SUMF1: variants seen among roughly 807,000 people sequenced by gnomAD.
SUMF1 encodes the protein formylglycine-generating enzyme.
A neutral mutation model predicts 47.6 loss-of-function variants in SUMF1; 48 were observed. The ratio of observed to expected loss-of-function variants is 1.01; its 90% CI spans 0.80 to 1.28. The LOEUF is 1.28. SUMF1 is among the 50% of genes most tolerant of loss of function. The pLI is 0.00. For missense variants in SUMF1, 571 were observed against 485.4 expected (o/e 1.18, Z -1.66); for synonymous variants, 230 against 192.1 (o/e 1.20, Z -1.63).
chr3:4,132,760 T>A (rs779209176), intron 8 of SUMF1, among the ~76,000 whole-genome samples: 11 of 152,240 alleles, frequency 7.2e-5, no homozygotes, highest in South Asian at 2.1e-4. Flanking sequence ...GGAGTTACAG[T>A]GTTGGCTGTG....
intron 8 of SUMF1, among the ~76,000 whole-genome samples, chr3:4,169,149 T>C (rs1388031792): frequency 6.6e-6 from 1 of 152,178 alleles, no homozygotes; most frequent in Non-Finnish European, 1.5e-5. Context: ...ATGGAACAGA[T>C]AATGCTGGCA....
At chr3:4,222,775 T>C (rs1696094978) in intron 8 of SUMF1, among the ~76,000 whole-genome samples, 1 of 152,086 alleles carries the variant, frequency 6.6e-6, no homozygotes, top group African/African-American at 2.4e-5. Context: ...ACCCACAGGA[T>C]TCCTGAGTCA....
At chr3:4,411,114 T>C (rs1701527311) in intron 6 of SUMF1, 136 bp from the exon 7 acceptor site, 1 of 822,694 alleles carries the variant, frequency 1.2e-6, no homozygotes, top group Non-Finnish European at 2.0e-6. Context: ...AAGTACAATT[T>C]GACCAACATA....
chr3:4,365,707 T>C (rs370002877), intron 8 of SUMF1, among the ~76,000 whole-genome samples: 1 of 146,116 alleles, frequency 6.8e-6, no homozygotes, highest in Non-Finnish European at 1.5e-5. Context: ...GAGCATTTAG[T>C]CCATTTACAT....
chr3:4,316,007 A>C (rs1698623211), intron 8 of SUMF1, among the ~76,000 whole-genome samples: 1 of 147,440 alleles, frequency 6.8e-6, no homozygotes, highest in Non-Finnish European at 1.5e-5. Flanking sequence ...AGACTGTACC[A>C]CTGCACTCCA....
intron 8 of SUMF1, among the ~76,000 whole-genome samples, chr3:4,107,288 C>T (rs1559476210): frequency 6.6e-6 from 1 of 152,100 alleles, no homozygotes; most frequent in Non-Finnish European, 1.5e-5. Context: ...GAGAGCTGTG[C>T]ACAGAGTTAA....
At chr3:4,456,712 ATATACATATATATACGTGTG>A (rs1419096349) in intron 1 of SUMF1, among the ~76,000 whole-genome samples, 12 of 135,488 alleles carry the variant, frequency 8.9e-5, no homozygotes, top group African/African-American at 3.3e-4. Context: ...ATACGTATAT[ATATACATATATATACGTGTG>A]TATATATACA....
intron 8 of SUMF1, among the ~76,000 whole-genome samples, chr3:4,365,081 C>T (rs372771065): frequency 7.3e-5 from 11 of 150,676 alleles, no homozygotes; most frequent in South Asian, 4.2e-4. Flanking sequence ...GTCTGAGAGA[C>T]AGTTTGTTAT....
At chr3:4,385,292 C>A (rs531187917) in intron 7 of SUMF1, among the ~76,000 whole-genome samples, 1 of 152,186 alleles carries the variant, frequency 6.6e-6, no homozygotes, top group Non-Finnish European at 1.5e-5. Flanking sequence ...TGTATCCTAG[C>A]CAGTCACTAC....
At chr3:4,178,219 C>G (rs1008223944) in intron 8 of SUMF1, among the ~76,000 whole-genome samples, 1 of 152,146 alleles carries the variant, frequency 6.6e-6, no homozygotes, top group Non-Finnish European at 1.5e-5. Context: ...GATACCAAAG[C>G]CTGGCAGAGA....
chr3:4,113,193 G>A lies in SUMF1; in HGVS notation c.1015-44448C>T, dbSNP rs770810227. ...CACCTAGAATATTTATCATTTCTAT[G>A]TGTTGGGAACGTTTCAAGATCTCTC... On this transcript the variant is annotated intron_variant and NMD_transcript_variant, in intron 8 of 12. Transcript: ENST00000448413. Among the ~76,000 whole-genome samples the A allele has an allele frequency of 2.0e-4, 31 of 152,170 alleles. No homozygotes were observed. In the Middle Eastern group the frequency reaches 0.02, roughly 100 times the overall value.
chr3:4,156,925 C>T (rs1694466522), intron 8 of SUMF1, among the ~76,000 whole-genome samples: 1 of 151,624 alleles, frequency 6.6e-6, no homozygotes, highest in African/African-American at 2.4e-5. Context: ...CATGTGTCTT[C>T]ATATGCAAAT....
chr3:4,090,378 C>T (rs1692760067), intron 8 of SUMF1, among the ~76,000 whole-genome samples: 1 of 151,964 alleles, frequency 6.6e-6, no homozygotes, highest in African/African-American at 2.4e-5. Context: ...CTAAGTTGTC[C>T]CACTCAGAAT....
At chr3:4,313,134 A>T in intron 8 of SUMF1, 2 of 1,614,096 alleles carry the variant, frequency 1.2e-6, no homozygotes, top group African/African-American at 1.3e-5. Flanking sequence ...GCAGAAACAG[A>T]GTGGTCCAGA....
chr3:4,111,346 G>T (rs1318117759), intron 8 of SUMF1, among the ~76,000 whole-genome samples: 2 of 152,070 alleles, frequency 1.3e-5, no homozygotes, highest in Non-Finnish European at 2.9e-5. Context: ...AGGGTAAACT[G>T]TAGTATAAAA....
chr3:4,080,235 T>C (rs909938025), intron 8 of SUMF1, among the ~76,000 whole-genome samples: 1 of 152,174 alleles, frequency 6.6e-6, no homozygotes, highest in African/African-American at 2.4e-5. Context: ...CAAACTTAAG[T>C]TTTTTATGAA....
intron 7 of SUMF1, among the ~76,000 whole-genome samples, chr3:4,399,034 A>G (rs1173745199): frequency 6.6e-6 from 1 of 152,204 alleles, no homozygotes; most frequent in Non-Finnish European, 1.5e-5. Flanking sequence ...ATAAAAAATG[A>G]GTCCAAGACC....
At position 4,064,775 on chromosome 3, in the gene SUMF1, C is replaced by T. The variant is rs372618185; in HGVS notation, c.1191+3794G>A. On this transcript the variant is annotated intron_variant and NMD_transcript_variant, in intron 9 of 12. Coordinates refer to the SUMF1 transcript ENST00000448413. The stretch of plus-strand genomic sequence containing the variant: ...AGAACGCATGCTCTTAACCACTGTG[C>T]TCTAATCATTGTCTCTGCAGTCCTG... 4.4e-3 allele frequency among the ~76,000 whole-genome samples: 673 copies of T among 152,260 alleles called. 5 individuals carry two copies. Among genetic ancestry groups the T allele is most frequent in the South Asian group, 0.026 (125 of 4,828 alleles).
rs1465275723 is a variant in SUMF1 at position 4,106,439 on chromosome 3, G to C, written c.1015-37694C>G. On this transcript the variant is annotated intron_variant and NMD_transcript_variant, in intron 8 of 12. Transcript: ENST00000448413. ...CACATATACCCTTCAAGAGATAACT[G>C]ACATTCACTAATGCCTCATTGTAGG... Among the ~76,000 whole-genome samples the C allele has an allele frequency of 3.9e-5, 6 of 152,056 alleles. No individual in the cohort carries two copies. In the South Asian group the frequency reaches 8.3e-4, roughly 21 times the overall value.
Sources: allele counts gnomAD v4.1 joint callset (sites outside exome capture counted in the v4.1 genomes callset), GRCh38; gene constraint gnomAD v4.1.1; transcripts MANE v1.5; gene names NCBI Gene and HGNC (gene_info 2026-07-23, HGNC 2026-07-21).